Variants in COL18A1 observed in about 807,000 individuals in gnomAD.
COL18A1 encodes the protein collagen alpha-1(XVIII) chain.
COL18A1 carries 133 observed loss-of-function variants against 168.0 expected under a neutral mutation model. The observed-to-expected ratio is 0.79, with a 90% CI of 0.69 to 0.91. The LOEUF is 0.91. Among genes scored for constraint, COL18A1 ranks in the 40% least tolerant of loss-of-function variants. The pLI is 0.00. For missense variants in COL18A1, 2,126 were observed against 1,925.4 expected (o/e 1.10, Z -1.95); for synonymous variants, 949 against 809.0 (o/e 1.17, Z -2.94).
intron 31 of COL18A1, among the ~76,000 whole-genome samples, 191 bp downstream of exon 31, chr21:45,497,283 C>T (rs2036576474): frequency 6.6e-6 from 1 of 152,240 alleles, no homozygotes; most frequent in Admixed American, 6.5e-5. Flanking sequence ...CCGTCCAGGA[C>T]CTGACCTTGG....
chr21:45,412,806 T>C (rs1026486322), intron 2 of COL18A1, among the ~76,000 whole-genome samples: 11 of 152,198 alleles, frequency 7.2e-5, no homozygotes, highest in African/African-American at 2.4e-4. Context: ...ACTCTGCCTT[T>C]GTGGATATGG....
At chr21:45,472,810 C>CCT (rs11413208) in intron 3 of COL18A1, among the ~76,000 whole-genome samples, 7 of 152,048 alleles carry the variant, frequency 4.6e-5, no homozygotes, top group Admixed American at 1.3e-4. Context: ...CACACCCCCC[C>CCT]ACGCATGAGC....
In COL18A1 at chr21:45,480,804, C is replaced by T. The variant is rs372703675; in HGVS notation, c.1557C>T (p.Ala519=). The T allele has an allele frequency of 3.0e-5, 48 of 1,611,750 alleles. No individual in the cohort carries two copies. The highest frequency in any genetic ancestry group is 2.3e-4 in the African/African-American group (17 of 74,926). ...GVNSSDVPGP[A]GLPGVPGREG... ...ACAGCTCCGACGTCCCAGGACCCGC[C>T]GGCCTTCCTGGTGTGCCTGGGCGCG... The change falls in exon 13 of 42, where the codon GCC becomes GCT. Residue 519 remains alanine, a synonymous_variant. Coordinates refer to ENST00000651438, the MANE Select transcript of COL18A1 (RefSeq NM_001379500.1).
intron 37 of COL18A1, 192 bp downstream of exon 37, chr21:45,506,158 T>G: frequency 1.3e-6 from 1 of 792,004 alleles, no homozygotes; most frequent in Non-Finnish European, 2.0e-6. Context: ...TAAAGAAAAG[T>G]GAGCTCAAGC....
rs997086995 is a variant in COL18A1, at chr21:45,457,058, C to T, written c.107-11184C>T. 6.6e-6 allele frequency among the ~76,000 whole-genome samples: 1 copy of T among 152,122 alleles called. No individual in the cohort carries two copies. The stretch of plus-strand genomic sequence containing the variant: ...TGAGGCCTCCTGTGTGGGGAGGAGG[C>T]CGGCGTCTGGACAGGAAGAGGGCTG... On this transcript the variant is annotated intron_variant, in intron 2 of 41. Coordinates refer to ENST00000651438, the MANE Select transcript of COL18A1 (RefSeq NM_001379500.1). The surrounding 1 kb of genome is among the most constrained non-coding windows in gnomAD (Gnocchi z 4.6).
At chr21:45,495,290 C>T (rs2036491628) in intron 28 of COL18A1, 68 bp from the exon 29 acceptor site, 1 of 1,360,636 alleles carries the variant, frequency 7.3e-7, no homozygotes. Context: ...TAACGGCAGG[C>T]ACCCTGCGGG....
chr21:45,491,211 G>A lies in COL18A1; in HGVS notation c.2068-14G>A, dbSNP rs1158917431. On this transcript the variant is annotated splice_polypyrimidine_tract_variant and intron_variant, in intron 21 of 41. Transcript: ENST00000651438. The stretch of plus-strand genomic sequence containing the variant: ...GTTGAGATGAAATGCCGGACGCGTG[G>A]CCTCCTCTTCCAGGGAGATCCAGGG... The A allele has an allele frequency of 6.8e-6, 11 of 1,606,758 alleles. No homozygotes were observed. The highest frequency in any genetic ancestry group is 4.5e-5 in the East Asian group (2 of 44,840).
At position 45,431,456 on chromosome 21, in the gene COL18A1, A is replaced by G. The variant is rs1198903042; in HGVS notation, c.106+25983A>G. Among the ~76,000 whole-genome samples the G allele has an allele frequency of 4.1e-3, 114 of 27,936 alleles. 2 individuals are homozygous for G. Among genetic ancestry groups the G allele is most frequent in the Admixed American group, 6.4e-3 (12 of 1,870 alleles). 18.3% of individuals were successfully genotyped at this position (27,936 alleles called of 152,430 possible). A position where few individuals can be genotyped will look rare whatever the true frequency, so the allele number is the denominator to read the frequency against. ...CAGGCAGGACCCGGCGGCCCAGGGG[A>G]GGGGGGCAGGCAGGACCCGGCGGCC... On this transcript the variant is annotated intron_variant, in intron 2 of 41. Transcript: ENST00000651438.
rs1243513417 is a variant in COL18A1, at chr21:45,423,803, G to A, written c.106+18330G>A. ...GGCAGTTCCGTCCTGCAGACTCCGT[G>A]GTTCTGAGTTGGAGCCCTTACTGGC... is the stretch of plus-strand genomic sequence containing the variant. On this transcript the variant is annotated intron_variant, in intron 2 of 41. Transcript: ENST00000651438. This position sits in a 1 kb window ranked among gnomAD's most constrained non-coding sequence, Gnocchi z 4.0. 3.3e-5 allele frequency: 5 copies of A among 152,434 alleles called. No individual in the cohort carries two copies. The highest frequency in any genetic ancestry group is 7.3e-5 in the Non-Finnish European group (5 of 68,120). 9.4% of individuals were successfully genotyped at this position (152,434 alleles called of 1,614,324 possible). A position where few individuals can be genotyped will look rare whatever the true frequency, so the allele number is the denominator to read the frequency against.
At chr21:45,434,018 TGCAGGTGCATGAGCCAGGTGTGTGA>T (rs2034032141) in intron 2 of COL18A1, among the ~76,000 whole-genome samples, 4 of 58,122 alleles carry the variant, frequency 6.9e-5, no homozygotes, top group Admixed American at 1.5e-4. Flanking sequence ...CAGATGTGTG[TGCAGGTGCATGAGCCAGGTGTGTGA>T]GCAGGTGCAT....
intron 2 of COL18A1, among the ~76,000 whole-genome samples, chr21:45,431,726 C>T (rs547481891): frequency 3.3e-5 from 5 of 152,068 alleles, no homozygotes; most frequent in African/African-American, 1.2e-4. Context: ...TGGCTCTCTG[C>T]GGCTCTCGGT....
At chr21:45,434,763 G>A (rs1038394940) in intron 2 of COL18A1, among the ~76,000 whole-genome samples, 4 of 151,842 alleles carry the variant, frequency 2.6e-5, no homozygotes, top group Non-Finnish European at 2.9e-5. Context: ...GCTCCCCCAC[G>A]TCTTGGCGGG....
intron 2 of COL18A1, among the ~76,000 whole-genome samples, chr21:45,446,696 C>A (rs1394079607): frequency 6.6e-6 from 1 of 151,960 alleles, no homozygotes; most frequent in East Asian, 1.9e-4. Flanking sequence ...AAAGACATTG[C>A]CAAAAAAAGA....
At chr21:45,489,872 C>G (rs1376045064) in intron 19 of COL18A1, among the ~76,000 whole-genome samples, 5 of 67,712 alleles carry the variant, frequency 7.4e-5, no homozygotes, top group Non-Finnish European at 1.1e-4. Flanking sequence ...GCCCCTCCCC[C>G]ACACCTCCTC....
intron 8 of COL18A1, 75 bp downstream of exon 8, chr21:45,478,040 G>T: frequency 1.2e-6 from 1 of 842,630 alleles, no homozygotes; most frequent in Non-Finnish European, 1.9e-6. Flanking sequence ...AGAGGCTGCG[G>T]CCGACATGGG....
chr21:45,509,430 CCCCCA>C lies in COL18A1; in HGVS notation c.3332_3336del (p.Pro1111ArgfsTer8). 6.5e-7 allele frequency: 1 copy of C among 1,533,904 alleles called. No homozygotes were observed. Among genetic ancestry groups the C allele is most frequent in the Non-Finnish European group, 8.8e-7 (1 of 1,140,744 alleles). ...GCAACCCCTACCCGCGGCGGGAGCACCCCCACCCCACCGCGCGGCCCTGGCGGGCA... is the reference window on the plus strand; with the variant it reads ...GCAACCCCTACCCGCGGCGGGAGCACCCCCACCGCGCGGCCCTGGCGGGCA... On this transcript the variant is annotated frameshift_variant, in exon 39 of 42. Coordinates refer to ENST00000651438, the MANE Select transcript of COL18A1 (RefSeq NM_001379500.1). LOFTEE classifies it high-confidence loss of function.
In COL18A1 at chr21:45,456,493, C is replaced by T. The variant is rs1195682751; in HGVS notation, c.107-11749C>T. 5.2e-6 allele frequency: 8 copies of T among 1,548,332 alleles called. No homozygotes were observed. The Admixed American group carries it at 7.9e-5, about 15-fold the overall frequency. On this transcript the variant is annotated intron_variant, in intron 2 of 41. Coordinates refer to ENST00000651438, the MANE Select transcript of COL18A1 (RefSeq NM_001379500.1). ...GGCCGGGTCTTGCTAATAACTCTGCCCTGCTCGGGGCTGACCCCGAGGCCC... is the reference window on the plus strand; with the variant it reads ...GGCCGGGTCTTGCTAATAACTCTGCTCTGCTCGGGGCTGACCCCGAGGCCC...
In COL18A1 at chr21:45,409,041, T is replaced by G. The variant is rs4566450; in HGVS notation, c.106+3568T>G. On this transcript the variant is annotated intron_variant, in intron 2 of 41. Transcript: ENST00000651438. ...AGGCTGGCAGGGACAAAGCTGGCTG[T>G]GGCTGTGTCTGGAGGGGCTGGCCAT... Among the ~76,000 whole-genome samples the G allele has an allele frequency of 8.9e-3, 1,348 of 151,926 alleles. 24 individuals carry two copies. The highest frequency in any genetic ancestry group is 0.031 in the African/African-American group (1,274 of 41,440).
At chr21:45,464,394 T>C (rs1035819070) in intron 2 of COL18A1, among the ~76,000 whole-genome samples, 1 of 151,966 alleles carries the variant, frequency 6.6e-6, no homozygotes, top group Admixed American at 6.6e-5. Flanking sequence ...CATGAGAGGG[T>C]GGAACAGAGC....
Sources: gnomAD v4.1 joint callset for allele counts (sites outside exome capture counted in the v4.1 genomes callset) on GRCh38, gnomAD v4.1.1 for gene constraint, Gnocchi (gnomAD v3.1) non-coding constraint, MANE v1.5 for transcripts, NCBI Gene and HGNC (gene_info 2026-07-23, HGNC 2026-07-21) for gene names.